PTPRD: variants seen among roughly 807,000 people sequenced by gnomAD.
PTPRD encodes the protein receptor-type tyrosine-protein phosphatase delta.
Under a neutral mutation model 214.5 loss-of-function variants are expected in PTPRD, and 34 were observed. That is an observed-to-expected ratio of 0.16 (90% CI 0.12 to 0.21). The LOEUF is 0.21. Ranked by LOEUF, PTPRD falls within the 10% of genes least tolerant of loss-of-function variation. PTPRD has a pLI of 1.00. For synonymous variants in PTPRD, 1,128 were observed against 845.7 expected (o/e 1.33, Z -5.79); for missense variants, 2,545 against 2,398.7 (o/e 1.06, Z -1.27).
intron 11 of PTPRD, among the ~76,000 whole-genome samples, chr9:8,789,510 TTCTGTGACCCATATTAGCAC>T (rs2096134884): frequency 6.6e-6 from 1 of 152,178 alleles, no homozygotes; most frequent in East Asian, 1.9e-4. Context: ...TGCCTTAAGG[TTCTGTGACCCATATTAGCAC>T]TCCTGTCTTC....
intron 3 of PTPRD, among the ~76,000 whole-genome samples, chr9:10,047,808 C>G (rs969603379): frequency 1.3e-5 from 2 of 152,152 alleles, no homozygotes; most frequent in African/African-American, 4.8e-5. Flanking sequence ...ATTATTTCAT[C>G]TACCAAAGAC....
At chr9:9,747,539 G>GTT (rs35627464) in intron 6 of PTPRD, among the ~76,000 whole-genome samples, 1 of 132,850 alleles carries the variant, frequency 7.5e-6, no homozygotes, top group Non-Finnish European at 1.6e-5. Flanking sequence ...AATCTTTTTT[G>GTT]TTTTTTTTTT....
At chr9:10,307,576 T>C (rs958078826) in intron 3 of PTPRD, among the ~76,000 whole-genome samples, 2 of 152,114 alleles carry the variant, frequency 1.3e-5, no homozygotes, top group Non-Finnish European at 2.9e-5. Context: ...AGTAGTGGGA[T>C]TGCTGCATCA....
At chr9:9,264,755 T>G (rs1938319346) in intron 9 of PTPRD, among the ~76,000 whole-genome samples, 1 of 151,310 alleles carries the variant, frequency 6.6e-6, no homozygotes, top group South Asian at 2.1e-4. Flanking sequence ...CTGTCAAAAA[T>G]CAAAGACAGA....
At chr9:8,537,759 C>T (rs2077306652) in intron 14 of PTPRD, among the ~76,000 whole-genome samples, 2 of 151,928 alleles carry the variant, frequency 1.3e-5, no homozygotes, top group South Asian at 4.1e-4. Flanking sequence ...TTGCAAGGTA[C>T]TCCGGGCAGA....
chr9:9,886,993 C>G (rs78880530), intron 5 of PTPRD, among the ~76,000 whole-genome samples: 4,174 of 152,122 alleles, frequency 0.027, 166 homozygotes, highest in African/African-American at 0.09. Context: ...AATTCCTGAT[C>G]CACAACAAAC....
At chr9:9,421,970 G>A (rs1013138550) in intron 8 of PTPRD, among the ~76,000 whole-genome samples, 4 of 151,372 alleles carry the variant, frequency 2.6e-5, no homozygotes, top group Admixed American at 2.6e-4. Flanking sequence ...AACAAAAACT[G>A]TAAGTGACAC....
intron 9 of PTPRD, among the ~76,000 whole-genome samples, chr9:9,240,863 G>C (rs1414114911): frequency 6.6e-6 from 1 of 152,018 alleles, no homozygotes; most frequent in Non-Finnish European, 1.5e-5. Context: ...GCCATTTTAA[G>C]TTTTTGACAT....
At chr9:8,894,945 T>C (rs1587583835) in intron 11 of PTPRD, among the ~76,000 whole-genome samples, 1 of 152,172 alleles carries the variant, frequency 6.6e-6, no homozygotes, top group Non-Finnish European at 1.5e-5. Context: ...AGAGATCTGC[T>C]TGTGGCAAAA....
intron 9 of PTPRD, among the ~76,000 whole-genome samples, chr9:9,350,611 G>C (rs1161760789): frequency 1.3e-5 from 2 of 151,930 alleles, no homozygotes; most frequent in African/African-American, 4.8e-5. Flanking sequence ...AAATATCTTT[G>C]GTGATGTAGT....
At chr9:8,414,894 A>G (rs2093789385) in intron 35 of PTPRD, among the ~76,000 whole-genome samples, 2 of 92,402 alleles carry the variant, frequency 2.2e-5, no homozygotes, top group Non-Finnish European at 4.2e-5. Context: ...AGGGAGGGAG[A>G]GAGGGATGGG....
chr9:9,203,804 G>A (rs890142517), intron 9 of PTPRD, among the ~76,000 whole-genome samples: 1 of 152,088 alleles, frequency 6.6e-6, no homozygotes, highest in Admixed American at 6.6e-5. Context: ...CAAAGAAAAA[G>A]GTCTTAGGAA....
At chr9:9,665,385 CA>C (rs1335252515) in intron 7 of PTPRD, among the ~76,000 whole-genome samples, 5 of 151,590 alleles carry the variant, frequency 3.3e-5, no homozygotes, top group Admixed American at 3.3e-4. Flanking sequence ...TTTTAAAGGA[CA>C]AAATAGATGT....
At chr9:9,232,989 T>C (rs2099964083) in intron 9 of PTPRD, among the ~76,000 whole-genome samples, 1 of 152,156 alleles carries the variant, frequency 6.6e-6, no homozygotes, top group Non-Finnish European at 1.5e-5. Context: ...GGAAATTCTC[T>C]AACCCAACCT....
intron 7 of PTPRD, among the ~76,000 whole-genome samples, chr9:9,630,519 C>T (rs1269540148): frequency 1.3e-5 from 2 of 152,108 alleles, no homozygotes; most frequent in African/African-American, 2.4e-5. Context: ...AAATTGTAAA[C>T]TGAACTAGAA....
At chr9:8,986,139 T>C (rs1231817528) in intron 11 of PTPRD, among the ~76,000 whole-genome samples, 1 of 152,080 alleles carries the variant, frequency 6.6e-6, no homozygotes, top group East Asian at 1.9e-4. Flanking sequence ...AGCTCTGCAC[T>C]TAAACTAGAT....
intron 35 of PTPRD, among the ~76,000 whole-genome samples, chr9:8,427,181 T>C (rs1187670117): frequency 6.6e-6 from 1 of 152,202 alleles, no homozygotes; most frequent in African/African-American, 2.4e-5. Flanking sequence ...ATTCAGTAGG[T>C]ACTTTTGAGT....
intron 7 of PTPRD, among the ~76,000 whole-genome samples, chr9:9,602,628 C>A (rs2093859037): frequency 6.6e-6 from 1 of 152,084 alleles, no homozygotes; most frequent in South Asian, 2.1e-4. Context: ...ACGTACCTAT[C>A]TTTTTTTCAT....
intron 3 of PTPRD, among the ~76,000 whole-genome samples, chr9:10,048,826 T>C (rs1186957785): frequency 6.6e-6 from 1 of 152,030 alleles, no homozygotes; most frequent in Non-Finnish European, 1.5e-5. Context: ...TAACAATTCA[T>C]AGTAACTTAA....
Sources: allele counts gnomAD v4.1 joint callset (sites outside exome capture counted in the v4.1 genomes callset), GRCh38; gene constraint gnomAD v4.1.1; transcripts MANE v1.5; gene names NCBI Gene and HGNC (gene_info 2026-07-23, HGNC 2026-07-21).